The following PHF19 variants were observed in gnomAD, a reference collection of about 807,000 sequenced individuals.
PHF19 encodes the protein polycomb like 3.
PHF19 carries 21 observed loss-of-function variants against 79.8 expected under a neutral mutation model. The observed-to-expected ratio is 0.26, with a 90% CI of 0.19 to 0.38. PHF19 has a LOEUF of 0.38. Among genes scored for constraint, PHF19 ranks in the 10% least tolerant of loss-of-function variants. The pLI is 1.00. For synonymous variants in PHF19, 273 were observed against 296.3 expected (o/e 0.92, Z 0.81); for missense variants, 445 against 744.2 (o/e 0.60, Z 4.68).
chr9:120,902,145 G>T, the PHF19 span, among the ~76,000 whole-genome samples: 1 of 152,148 alleles, frequency 6.6e-6, no homozygotes, highest in Non-Finnish European at 1.5e-5. Flanking sequence ...ATGGCTTCCC[G>T]TTGCCAACTG....
chr9:120,872,037 C>CAAAAAAAAAGAAAAAAAAAA lies in PHF19; in HGVS notation c.269-1500_269-1499insTTTTTTTTTTCTTTTTTTTT, dbSNP rs2045912428. Reference sequence around the variant, plus strand: ...TGGGTGACAGAGCAAGACTCTGTCTCAAAAAAAAAAAAAAAAAAAAAAAAA... The same window carrying CAAAAAAAAAGAAAAAAAAAA: ...TGGGTGACAGAGCAAGACTCTGTCTCAAAAAAAAAGAAAAAAAAAAAAAAAAAAAAAAAAAAAAAAAAAAA... On this transcript the variant is annotated intron_variant, in intron 3 of 14. Coordinates refer to ENST00000373896, the MANE Select transcript of PHF19 (RefSeq NM_015651.3). Among the ~76,000 whole-genome samples the CAAAAAAAAAGAAAAAAAAAA allele has an allele frequency of 2.6e-3, 80 of 30,326 alleles. 6 individuals are homozygous for CAAAAAAAAAGAAAAAAAAAA. The highest frequency in any genetic ancestry group is 4.4e-3 in the African/African-American group (33 of 7,532). The allele number at this position is 30,326 out of a possible 152,430, so 19.9% of individuals were successfully genotyped here.
chr9:120,889,749 AAAAG>A (rs947109005), intron 1 of PHF19, among the ~76,000 whole-genome samples: 21 of 151,960 alleles, frequency 1.4e-4, no homozygotes, highest in Admixed American at 4.6e-4. Flanking sequence ...TGTCTTGAAA[AAAAG>A]AAAGAGAGAG....
chr9:120,886,674 C>A (rs911826879), intron 1 of PHF19, among the ~76,000 whole-genome samples: 5 of 152,228 alleles, frequency 3.3e-5, no homozygotes, highest in Non-Finnish European at 2.9e-5. Context: ...GTTCATCCAG[C>A]CTGTAGTCAC....
At chr9:120,877,249 G>A, upstream of PHF19, 1 of 899,476 alleles carries the variant, frequency 1.1e-6, no homozygotes. Flanking sequence ...GGGGCGCCGC[G>A]GGGAGGAGGG....
At chr9:120,881,149 G>GT (rs1182115413), upstream of PHF19, among the ~76,000 whole-genome samples, 445 of 133,640 alleles carry the variant, frequency 3.3e-3, 7 homozygotes, top group African/African-American at 9.2e-3. Flanking sequence ...TCGGGGGTTT[G>GT]TTTTTTTTTT....
At chr9:120,899,976 C>A in the PHF19 span, among the ~76,000 whole-genome samples, 1 of 152,124 alleles carries the variant, frequency 6.6e-6, no homozygotes, top group Non-Finnish European at 1.5e-5. Flanking sequence ...GTTGGAATGG[C>A]CTTGAGCAAC....
intron 1 of PHF19, among the ~76,000 whole-genome samples, chr9:120,886,729 G>A (rs1346040182): frequency 6.6e-6 from 1 of 152,130 alleles, no homozygotes; most frequent in Non-Finnish European, 1.5e-5. Flanking sequence ...CCTCTGTGAT[G>A]GTCAATTTTA....
intron 3 of PHF19, 101 bp downstream of exon 3, chr9:120,873,878 C>G (rs1698246837): frequency 2.9e-6 from 2 of 699,474 alleles, no homozygotes; most frequent in African/African-American, 1.8e-5. Flanking sequence ...AGGGCAGATG[C>G]CAGGAGTAAG....
At chr9:120,861,376 A>G (rs939607466) in intron 12 of PHF19, among the ~76,000 whole-genome samples, 2 of 152,170 alleles carry the variant, frequency 1.3e-5, no homozygotes, top group Admixed American at 1.3e-4. Flanking sequence ...TGACTGTACG[A>G]CCTTCACGTC....
rs1160103434 is a variant in PHF19, at chr9:120,862,822, T to G, written c.969-73A>C. On this transcript the variant is annotated intron_variant, in intron 10 of 14. Transcript: ENST00000373896. The surrounding 1 kb of genome is among the most constrained non-coding windows in gnomAD (Gnocchi z 4.6). ...TCCTCCTGGGGAGTGGGGTCAAGCA[T>G]GACACAAGCCTCTCTGCCTCCTTGG... The G allele has an allele frequency of 4.9e-6, 7 of 1,421,132 alleles. No homozygotes were observed. In the African/African-American group the frequency reaches 7.0e-5, roughly 14 times the overall value. The allele number at this position is 1,421,132 out of a possible 1,614,324, so 88.0% of individuals were successfully genotyped here.
At chr9:120,899,386 C>T (rs2046423564), upstream of PHF19, among the ~76,000 whole-genome samples, 1 of 150,694 alleles carries the variant, frequency 6.6e-6, no homozygotes, top group Non-Finnish European at 1.5e-5. Flanking sequence ...GTCCCAGCTA[C>T]TCGGGAGGCT....
the PHF19 span, among the ~76,000 whole-genome samples, chr9:120,901,640 C>T: frequency 0.032 from 4,862 of 152,246 alleles, 191 homozygotes; most frequent in East Asian, 0.19. Context: ...TGTAGCCCCT[C>T]GGACCCTTGG....
intron 1 of PHF19, among the ~76,000 whole-genome samples, chr9:120,884,928 A>T (rs73541890): frequency 0.046 from 7,010 of 152,012 alleles, 181 homozygotes; most frequent in African/African-American, 0.06. Context: ...AAATAAAAAT[A>T]AAAATTAAAA....
At chr9:120,899,198 CAAAGAA>C (rs1422003636), upstream of PHF19, among the ~76,000 whole-genome samples, 2 of 117,214 alleles carry the variant, frequency 1.7e-5, no homozygotes, top group African/African-American at 6.6e-5. Context: ...GACTCAGTCT[CAAAGAA>C]AAAAAAAAAA....
At chr9:120,892,609 C>T (rs187887278) in intron 1 of PHF19, among the ~76,000 whole-genome samples, 64 of 152,210 alleles carry the variant, frequency 4.2e-4, no homozygotes, top group Non-Finnish European at 8.2e-4. Flanking sequence ...GTGGCCTGTC[C>T]CCATGGCATA....
At chr9:120,904,127 T>A in the PHF19 span, 1 of 152,244 alleles carries the variant, frequency 6.6e-6, no homozygotes, top group Non-Finnish European at 1.5e-5. Flanking sequence ...GGAAAGTTTA[T>A]GCCCCTCTTC....
Position 120,874,824 on chromosome 9 carries a change from A to T in PHF19, c.-15-68T>A. The T allele has an allele frequency of 9.9e-7, 1 of 1,005,506 alleles. No individual in the cohort carries two copies. Among genetic ancestry groups the T allele is most frequent in the Non-Finnish European group, 1.5e-6 (1 of 655,742 alleles). The allele number at this position is 1,005,506 out of a possible 1,614,324, so 62.3% of individuals were successfully genotyped here. ...TTCAGAAAGCCCATCAGGGGAAGGA[A>T]GGAAACCACCATTTCTGTACCCTGT... On this transcript the variant is annotated intron_variant, in intron 1 of 14. Coordinates refer to ENST00000373896, the MANE Select transcript of PHF19 (RefSeq NM_015651.3). This position sits in a 1 kb window ranked among gnomAD's most constrained non-coding sequence, Gnocchi z 4.5.
chr9:120,880,845 A>G (rs939150739), upstream of PHF19, among the ~76,000 whole-genome samples: 16 of 152,144 alleles, frequency 1.1e-4, no homozygotes, highest in Admixed American at 7.9e-4. Flanking sequence ...CTGTAGTCCC[A>G]GCTACTTGGG....
At position 120,870,013 on chromosome 9, in the gene PHF19, G is replaced by C; in HGVS notation, c.365-68C>G. On this transcript the variant is annotated intron_variant, in intron 4 of 14. Transcript: ENST00000373896. This position sits in a 1 kb window ranked among gnomAD's most constrained non-coding sequence, Gnocchi z 4.4. The stretch of plus-strand genomic sequence containing the variant: ...TGGCCCAAGGCCAGTTGGCCCAAAG[G>C]AGGCAGGGCTGGGAGGGCTGAGGGA... 2 of 1,530,452 alleles carry C rather than the reference G, an allele frequency of 1.3e-6. No individual in the cohort carries two copies. Among genetic ancestry groups the C allele is most frequent in the African/African-American group, 1.4e-5 (1 of 72,882 alleles). 94.8% of individuals were successfully genotyped at this position (1,530,452 alleles called of 1,614,324 possible).
Sources: allele counts gnomAD v4.1 joint callset (sites outside exome capture counted in the v4.1 genomes callset), GRCh38; gene constraint gnomAD v4.1.1; non-coding constraint Gnocchi (gnomAD v3.1); transcripts MANE v1.5; gene names NCBI Gene and HGNC (gene_info 2026-07-23, HGNC 2026-07-21).